EMP2: variants seen among roughly 807,000 people sequenced by gnomAD.
The protein encoded by EMP2 is epithelial membrane protein 2.
Under a neutral mutation model 13.7 loss-of-function variants are expected in EMP2, and 19 were observed. The observed-to-expected ratio is 1.38, with a 90% CI of 0.97 to 2.03. The LOEUF (loss-of-function observed/expected upper bound fraction) is 2.03, where lower values mean the gene tolerates loss of function less well. EMP2 is among the 30% of genes most tolerant of loss of function. The probability of loss-of-function intolerance (pLI) is 0.00; values close to 1 mark genes in which losing one functional copy is unlikely to be tolerated. For synonymous variants in EMP2, 97 were observed against 84.7 expected (o/e 1.15, Z -0.80); for missense variants, 253 against 220.7 (o/e 1.15, Z -0.93).
At chr16:10,543,697 C>T (rs368368522) in intron 2 of EMP2, 37 bp from the exon 3 acceptor site, 24 of 1,599,128 alleles carry the variant, frequency 1.5e-5, no homozygotes, top group Middle Eastern at 1.7e-4. Context: ...AAAGGCCGTC[C>T]GTTCATGATG....
intron 1 of EMP2, among the ~76,000 whole-genome samples, chr16:10,553,464 C>T (rs536710043): frequency 6.6e-6 from 1 of 152,334 alleles, no homozygotes; most frequent in South Asian, 2.1e-4. Context: ...TATTCAGGCC[C>T]CGGTGCAGTG....
intron 1 of EMP2, among the ~76,000 whole-genome samples, chr16:10,555,915 G>A (rs1479037179): frequency 1.3e-5 from 2 of 152,076 alleles, no homozygotes; most frequent in Non-Finnish European, 2.9e-5. Context: ...CTTTTCAGCT[G>A]TTTCTACTCT....
At chr16:10,537,906 G>A in intron 4 of EMP2, 22 bp downstream of exon 4, 1 of 1,609,040 alleles carries the variant, frequency 6.2e-7, no homozygotes, top group Non-Finnish European at 8.5e-7. Flanking sequence ...CCCTTGTTAG[G>A]GAAGCCCGTT....
intron 1 of EMP2, among the ~76,000 whole-genome samples, chr16:10,567,417 G>A (rs956401677): frequency 6.6e-6 from 1 of 152,198 alleles, no homozygotes; most frequent in East Asian, 1.9e-4. Flanking sequence ...CTGAGGGCAG[G>A]GAGCATGAAT....
At chr16:10,569,081 C>T (rs1418970739) in intron 1 of EMP2, among the ~76,000 whole-genome samples, 3 of 152,126 alleles carry the variant, frequency 2.0e-5, no homozygotes, top group Non-Finnish European at 4.4e-5. Context: ...AGCCACCGCG[C>T]CCAGCTGTGC....
chr16:10,540,425 G>A (rs937659137), intron 3 of EMP2, among the ~76,000 whole-genome samples: 13 of 152,158 alleles, frequency 8.5e-5, no homozygotes, highest in Middle Eastern at 3.4e-3. Context: ...AGGATGGCTT[G>A]AACCCAGAAG....
rs531535130 is a variant in EMP2 at position 10,571,496 on chromosome 16, G to T, written c.-61+9053C>A. ...TCAGCATTCTATCCAGATTCCCCAG[G>T]AGATTCGGAAGGTCAGTCAGCCAAG... On this transcript the variant is annotated intron_variant, in intron 1 of 4. Transcript: ENST00000359543. Among the ~76,000 whole-genome samples, 20 of 152,206 alleles carry T rather than the reference G, an allele frequency of 1.3e-4. No individual in the cohort carries two copies. In the South Asian group the frequency reaches 3.9e-3, roughly 30 times the overall value.
intron 1 of EMP2, among the ~76,000 whole-genome samples, chr16:10,574,759 C>G (rs1310066141): frequency 6.6e-6 from 1 of 151,824 alleles, no homozygotes; most frequent in African/African-American, 2.4e-5. Flanking sequence ...ACCATGTTAG[C>G]CAGGATGGTC....
chr16:10,555,144 G>A (rs964147862), intron 1 of EMP2, among the ~76,000 whole-genome samples: 1 of 152,096 alleles, frequency 6.6e-6, no homozygotes, highest in Non-Finnish European at 1.5e-5. Context: ...AGCAAAGCAG[G>A]AACAAGGTCA....
chr16:10,558,434 G>C (rs1178847558), intron 1 of EMP2, among the ~76,000 whole-genome samples: 1 of 151,994 alleles, frequency 6.6e-6, no homozygotes, highest in African/African-American at 2.4e-5. Flanking sequence ...TGTTTCCTAA[G>C]TAGAGGTGCC....
intron 1 of EMP2, among the ~76,000 whole-genome samples, chr16:10,569,771 G>A (rs552994911): frequency 6.6e-6 from 1 of 152,206 alleles, no homozygotes; most frequent in Non-Finnish European, 1.5e-5. Context: ...ATGCCTGCGT[G>A]CATGCAGACC....
At chr16:10,561,616 G>C (rs2050872106) in intron 1 of EMP2, among the ~76,000 whole-genome samples, 1 of 152,222 alleles carries the variant, frequency 6.6e-6, no homozygotes, top group African/African-American at 2.4e-5. Context: ...TTTTAGGGAA[G>C]TGAACTAAAG....
chr16:10,554,341 A>C (rs1167018167), intron 1 of EMP2, among the ~76,000 whole-genome samples: 1 of 152,174 alleles, frequency 6.6e-6, no homozygotes, highest in African/African-American at 2.4e-5. Context: ...CAAGCACTGG[A>C]TCAACTCTTA....
chr16:10,542,993 G>A (rs970055831), intron 3 of EMP2, among the ~76,000 whole-genome samples: 1 of 152,172 alleles, frequency 6.6e-6, no homozygotes, highest in Non-Finnish European at 1.5e-5. Flanking sequence ...TTACAGGCGT[G>A]CACCACCACG....
At chr16:10,548,108 G>C (rs888954904) in intron 1 of EMP2, among the ~76,000 whole-genome samples, 3 of 152,196 alleles carry the variant, frequency 2.0e-5, no homozygotes, top group Non-Finnish European at 2.9e-5. Flanking sequence ...CTCGCCTGGA[G>C]ACTTTACTGG....
At chr16:10,544,096 C>T (rs9931435) in intron 2 of EMP2, 70,998 of 165,714 alleles carry the variant, frequency 0.43, 15,785 homozygotes, top group East Asian at 0.64. Context: ...TCAGGTGATC[C>T]GCCCACCTCA....
At chr16:10,547,433 A>C in intron 2 of EMP2, 107 bp downstream of exon 2, 1 of 1,174,170 alleles carries the variant, frequency 8.5e-7, no homozygotes, top group Non-Finnish European at 1.2e-6. Flanking sequence ...TAAATTACCT[A>C]GTCTCTGGTA....
In EMP2 at chr16:10,530,586, G is replaced by T. The variant is rs2050591301; in HGVS notation, c.*2319C>A. 6.6e-6 allele frequency: 1 copy of T among 151,414 alleles called. No individual in the cohort carries two copies. The highest frequency in any genetic ancestry group is 3.4e-3 in the Middle Eastern group (1 of 294). 9.4% of individuals were successfully genotyped at this position (151,414 alleles called of 1,614,324 possible). A position where few individuals can be genotyped will look rare whatever the true frequency, so the allele number is the denominator to read the frequency against. On this transcript the variant is annotated 3_prime_UTR_variant, in exon 5 of 5. Transcript: ENST00000359543. Reference sequence around the variant, plus strand: ...GAGCTTATCTCCTGGGATGGTTCCTGGGTGGTCTGCATTGCCACACAGCAT... The same window carrying T: ...GAGCTTATCTCCTGGGATGGTTCCTTGGTGGTCTGCATTGCCACACAGCAT...
chr16:10,542,373 G>C (rs537286014), intron 3 of EMP2, among the ~76,000 whole-genome samples: 4 of 152,082 alleles, frequency 2.6e-5, no homozygotes, highest in East Asian at 1.9e-4. Context: ...ACTCCAGCCT[G>C]GGTGACAGAG....
Sources: allele counts gnomAD v4.1 joint callset (sites outside exome capture counted in the v4.1 genomes callset), GRCh38; gene constraint gnomAD v4.1.1; transcripts MANE v1.5; gene names NCBI Gene and HGNC (gene_info 2026-07-23, HGNC 2026-07-21).